LPGAT1: variants seen among roughly 807,000 people sequenced by gnomAD.
LPGAT1 encodes lysophosphatidylglycerol acyltransferase 1, also known as acyl-CoA:lysophosphatidylglycerol acyltransferase 1.
A neutral mutation model predicts 47.5 loss-of-function variants in LPGAT1; 11 were observed. The ratio of observed to expected loss-of-function variants is 0.23; its 90% CI spans 0.15 to 0.38. LPGAT1 has a LOEUF of 0.38. Ranked by LOEUF, LPGAT1 falls within the 10% of genes least tolerant of loss-of-function variation. LPGAT1 has a pLI of 1.00. For synonymous variants in LPGAT1, 138 were observed against 144.2 expected (o/e 0.96, Z 0.31); for missense variants, 293 against 439.0 (o/e 0.67, Z 2.97).
At chr1:211,793,327 T>A (rs1394068928) in intron 2 of LPGAT1, 137 bp from the exon 3 acceptor site, 1 of 485,306 alleles carries the variant, frequency 2.1e-6, no homozygotes, top group African/African-American at 2.0e-5. Flanking sequence ...GAACTAAGTT[T>A]ATTTCCTGTG....
chr1:211,780,343 T>C (rs777097918), intron 5 of LPGAT1, among the ~76,000 whole-genome samples: 2 of 152,200 alleles, frequency 1.3e-5, no homozygotes, highest in African/African-American at 4.8e-5. Flanking sequence ...TCTGCTAAGT[T>C]TGATCCTTTG....
chr1:211,775,368 C>T (rs1181939770), intron 6 of LPGAT1, among the ~76,000 whole-genome samples: 1 of 152,014 alleles, frequency 6.6e-6, no homozygotes, highest in Non-Finnish European at 1.5e-5. Context: ...ATAAATTATG[C>T]TAACTATATT....
At chr1:211,814,172 T>C (rs772465670) in intron 2 of LPGAT1, among the ~76,000 whole-genome samples, 1 of 152,230 alleles carries the variant, frequency 6.6e-6, no homozygotes, top group Non-Finnish European at 1.5e-5. Flanking sequence ...TATTTATTCA[T>C]CCACAGATGG....
intron 2 of LPGAT1, among the ~76,000 whole-genome samples, chr1:211,819,104 T>C (rs1047187843): frequency 1.4e-4 from 22 of 152,210 alleles, no homozygotes; most frequent in African/African-American, 4.8e-4. Flanking sequence ...ATAGCAGCAT[T>C]ATAGGCATGA....
At position 211,830,296 on chromosome 1, in the gene LPGAT1, C is replaced by T; in HGVS notation, c.-28+277G>A. ...CAAGCGGCCCGAGGCGCTGCGCGAG[C>T]GGGCGCGCTGGCGCCCTACTCCCCT... On this transcript the variant is annotated intron_variant, in intron 1 of 7. Coordinates refer to ENST00000366997, the MANE Select transcript of LPGAT1 (RefSeq NM_014873.3). The surrounding 1 kb of genome is among the most constrained non-coding windows in gnomAD (Gnocchi z 5.9). 9.4e-7 allele frequency: 1 copy of T among 1,060,114 alleles called. No individual in the cohort carries two copies. The highest frequency in any genetic ancestry group is 1.1e-6 in the Non-Finnish European group (1 of 878,482). 65.7% of individuals were successfully genotyped at this position (1,060,114 alleles called of 1,614,324 possible).
intron 2 of LPGAT1, among the ~76,000 whole-genome samples, chr1:211,818,526 G>T (rs1393516027): frequency 2.0e-5 from 3 of 152,136 alleles, no homozygotes; most frequent in African/African-American, 7.2e-5. Context: ...ATAGTGCTAA[G>T]ACAAAATAAA....
At chr1:211,818,023 C>T (rs373372840) in intron 2 of LPGAT1, among the ~76,000 whole-genome samples, 133 of 152,060 alleles carry the variant, frequency 8.7e-4, no homozygotes, top group African/African-American at 3.0e-3. Flanking sequence ...TTAGCAGAGA[C>T]GGGTTTTCAC....
At chr1:211,819,395 G>C (rs888564239) in intron 2 of LPGAT1, among the ~76,000 whole-genome samples, 14 of 152,114 alleles carry the variant, frequency 9.2e-5, no homozygotes, top group African/African-American at 3.4e-4. Flanking sequence ...CTTGGGCTGA[G>C]ATGGGAACGA....
Position 211,830,508 on chromosome 1 carries a change from C to T in LPGAT1, c.-28+65G>A. On this transcript the variant is annotated intron_variant, in intron 1 of 7. Transcript: ENST00000366997. The surrounding 1 kb of genome is among the most constrained non-coding windows in gnomAD (Gnocchi z 5.9). ...ACGACGACACCCCCTTCCCCGCCCC[C>T]AGCGCCTCCCCTGGCCCGGCTCCGC... The T allele has an allele frequency of 8.3e-7, 1 of 1,199,312 alleles. No individual in the cohort carries two copies. Among genetic ancestry groups the T allele is most frequent in the Non-Finnish European group, 1.0e-6 (1 of 966,554 alleles). The allele number at this position is 1,199,312 out of a possible 1,614,324, so 74.3% of individuals were successfully genotyped here. A position where few individuals can be genotyped will look rare whatever the true frequency, so the allele number is the denominator to read the frequency against.
intron 2 of LPGAT1, among the ~76,000 whole-genome samples, chr1:211,805,115 G>GAA (rs34306984): frequency 0.38 from 56,175 of 146,994 alleles, 11,849 homozygotes; most frequent in East Asian, 0.7. Flanking sequence ...TCAATGAAAT[G>GAA]AAAAAAAAAA....
At chr1:211,775,110 G>T (rs1658343854) in intron 6 of LPGAT1, among the ~76,000 whole-genome samples, 1 of 152,090 alleles carries the variant, frequency 6.6e-6, no homozygotes. Context: ...AATTTATTTG[G>T]TAGCTTGGAC....
Position 211,787,738 on chromosome 1 carries a change from TA to T in LPGAT1, c.358-12del, listed in dbSNP as rs1470707877. Reference sequence around the variant, plus strand: ...CATCTGAGCAACAACCTAAAATATTTAAAAGCAAGAAATAATATTGGATAGA... The same window carrying T: ...CATCTGAGCAACAACCTAAAATATTTAAAGCAAGAAATAATATTGGATAGA... On this transcript the variant is annotated splice_polypyrimidine_tract_variant and intron_variant, in intron 3 of 7. Coordinates refer to ENST00000366997, the MANE Select transcript of LPGAT1 (RefSeq NM_014873.3). 1 of 1,532,772 alleles carries T rather than the reference TA, an allele frequency of 6.5e-7. No individual in the cohort carries two copies. Among genetic ancestry groups the T allele is most frequent in the Non-Finnish European group, 9.0e-7 (1 of 1,116,286 alleles). 94.9% of individuals were successfully genotyped at this position (1,532,772 alleles called of 1,614,324 possible).
In LPGAT1 at chr1:211,792,315, G is replaced by C. The variant is rs1363292661; in HGVS notation, c.357+757C>G. 7 of 151,562 alleles carry C rather than the reference G, an allele frequency of 4.6e-5. 1 individual carries two copies. The highest frequency in any genetic ancestry group is 8.8e-5 in the Non-Finnish European group (6 of 67,826). The allele number at this position is 151,562 out of a possible 1,614,324, so 9.4% of individuals were successfully genotyped here. A position where few individuals can be genotyped will look rare whatever the true frequency, so the allele number is the denominator to read the frequency against. The stretch of plus-strand genomic sequence containing the variant: ...TTAGTGCAGACTGCCTATCAGCATA[G>C]AGAACTACAGCCCAAACTCCTGGGC... On this transcript the variant is annotated intron_variant, in intron 3 of 7. Transcript: ENST00000366997.
At chr1:211,756,545 G>T (rs1488859728) in intron 6 of LPGAT1, among the ~76,000 whole-genome samples, 1 of 152,068 alleles carries the variant, frequency 6.6e-6, no homozygotes, top group Admixed American at 6.5e-5. Context: ...TATTGCCCAG[G>T]CTGGTCTCGA....
chr1:211,754,076 A>G (rs996111010), intron 6 of LPGAT1, among the ~76,000 whole-genome samples: 7 of 152,152 alleles, frequency 4.6e-5, no homozygotes, highest in African/African-American at 1.7e-4. Flanking sequence ...TCACTTCACC[A>G]TGCTGTTTTA....
At chr1:211,799,099 AATTTT>A (rs1659468230) in intron 2 of LPGAT1, among the ~76,000 whole-genome samples, 1 of 152,120 alleles carries the variant, frequency 6.6e-6, no homozygotes, top group African/African-American at 2.4e-5. Context: ...TGATAAGTTT[AATTTT>A]ATTTTTTTTT....
rs191479735 is a variant in LPGAT1, at chr1:211,769,882, A to G, written c.854+9036T>C. Among the ~76,000 whole-genome samples, 814 of 152,142 alleles carry G rather than the reference A, an allele frequency of 5.4e-3. 11 individuals are homozygous for G. The highest frequency in any genetic ancestry group is 0.018 in the African/African-American group (763 of 41,488). On this transcript the variant is annotated intron_variant, in intron 6 of 7. Coordinates refer to ENST00000366997, the MANE Select transcript of LPGAT1 (RefSeq NM_014873.3). ...ATCTTGTGCCATAACCTCTTATCCT[A>G]TGACTTAGAATGCCTTAACCACCTG... is the stretch of plus-strand genomic sequence containing the variant.
chr1:211,818,499 A>T (rs79469025), intron 2 of LPGAT1, among the ~76,000 whole-genome samples: 7,157 of 152,308 alleles, frequency 0.047, 254 homozygotes, highest in African/African-American at 0.091. Flanking sequence ...AAATGTTGAC[A>T]ACTAATTTAA....
chr1:211,777,017 G>A (rs981714324), intron 6 of LPGAT1, among the ~76,000 whole-genome samples: 5 of 130,816 alleles, frequency 3.8e-5, no homozygotes, highest in Non-Finnish European at 7.7e-5. Context: ...TTCTAATGCT[G>A]CATTTAAAAA....
Sources: gnomAD v4.1 joint callset for allele counts (sites outside exome capture counted in the v4.1 genomes callset) on GRCh38, gnomAD v4.1.1 for gene constraint, Gnocchi (gnomAD v3.1) non-coding constraint, MANE v1.5 for transcripts, NCBI Gene and HGNC (gene_info 2026-07-23, HGNC 2026-07-21) for gene names.